ZNF692: variants seen among roughly 807,000 people sequenced by gnomAD.
ZNF692 encodes zinc finger protein 692.
A neutral mutation model predicts 49.0 loss-of-function variants in ZNF692; 41 were observed. The observed-to-expected ratio is 0.84, with a 90% CI of 0.65 to 1.08. ZNF692 has a LOEUF of 1.08. Ranked by LOEUF, ZNF692 falls within the 50% of genes least tolerant of loss-of-function variation. The pLI, the probability that ZNF692 is intolerant of heterozygous loss-of-function variation, is 0.00. For missense variants in ZNF692, 662 were observed against 662.2 expected (o/e 1.00, Z 0.00); for synonymous variants, 288 against 251.5 (o/e 1.15, Z -1.37).
chr1:248,856,655 T>A lies in ZNF692; in HGVS notation c.476-93A>T. On this transcript the variant is annotated intron_variant, in intron 4 of 11. Transcript: ENST00000306601. ...AAGGTCTGAAGTGATGGGAGACTCCTCTTTTTTTTTTAAATAGAGACGGGG... is the reference window on the plus strand; with the variant it reads ...AAGGTCTGAAGTGATGGGAGACTCCACTTTTTTTTTTAAATAGAGACGGGG... 2.1e-6 allele frequency: 3 copies of A among 1,460,304 alleles called. No homozygotes were observed. The South Asian group carries it at 3.6e-5, about 18-fold the overall frequency. 90.5% of individuals were successfully genotyped at this position (1,460,304 alleles called of 1,614,324 possible).
At chr1:248,854,698 C>A (rs1660026791) in intron 9 of ZNF692, among the ~76,000 whole-genome samples, 1 of 152,156 alleles carries the variant, frequency 6.6e-6, no homozygotes, top group African/African-American at 2.4e-5. Flanking sequence ...CTGTCCCCTT[C>A]TTTAGAATCC....
chr1:248,852,113 C>CT (rs531075956), intron 10 of ZNF692, among the ~76,000 whole-genome samples: 35 of 152,228 alleles, frequency 2.3e-4, no homozygotes, highest in Non-Finnish European at 4.3e-4. Context: ...CTTGGCCACT[C>CT]TTTTCATCTA....
In ZNF692 at chr1:248,850,683, G is replaced by A; in HGVS notation, c.1252C>T (p.Gln418Ter). ...RRIHTGEKPL[Q>*]CEICGFTCRQ... Reference sequence around the variant, plus strand: ...CTCAGACCCCACCCCAGCACTCACTGCAGGGGTTTTTCTCCAGTGTGGATA... The same window carrying A: ...CTCAGACCCCACCCCAGCACTCACTACAGGGGTTTTTCTCCAGTGTGGATA... Residue 418 changes from glutamine to a stop codon, truncating the protein, a stop_gained and splice_region_variant, in exon 11 of 12, where the codon CAG becomes TAG. Coordinates refer to ENST00000306601, the MANE Select transcript of ZNF692 (RefSeq NM_017865.4). LOFTEE classifies it low-confidence loss of function (END_TRUNC). The A allele has an allele frequency of 1.2e-6, 2 of 1,613,964 alleles. No homozygotes were observed. The highest frequency in any genetic ancestry group is 1.7e-6 in the Non-Finnish European group (2 of 1,179,930).
intron 10 of ZNF692, among the ~76,000 whole-genome samples, chr1:248,852,417 C>G (rs1659707062): frequency 6.6e-6 from 1 of 152,160 alleles, no homozygotes; most frequent in Non-Finnish European, 1.5e-5. Context: ...CTGTGCCCCT[C>G]AAGACCAACC....
At chr1:248,855,700 C>T (rs767854754) in intron 7 of ZNF692, 25 bp downstream of exon 7, 1 of 1,614,206 alleles carries the variant, frequency 6.2e-7, no homozygotes, top group Non-Finnish European at 8.5e-7. Context: ...CGCCCCTGCC[C>T]TTTCTGTCTC....
chr1:248,856,193 T>A, intron 6 of ZNF692, 95 bp downstream of exon 6: 13 of 1,395,174 alleles, frequency 9.3e-6, no homozygotes, highest in East Asian at 2.4e-5. Flanking sequence ...CCCTCCACAC[T>A]AACAAGCCCT....
Position 248,858,492 on chromosome 1 carries a change from G to GCTA in ZNF692, c.-12-172_-12-171insTAG. 1 of 1,551,760 alleles carries GCTA rather than the reference G, an allele frequency of 6.4e-7. No homozygotes were observed. The highest frequency in any genetic ancestry group is 8.7e-7 in the Non-Finnish European group (1 of 1,147,002). On this transcript the variant is annotated intron_variant, in intron 1 of 11. Coordinates refer to ENST00000306601, the MANE Select transcript of ZNF692 (RefSeq NM_017865.4). This position sits in a 1 kb window ranked among gnomAD's most constrained non-coding sequence, Gnocchi z 4.3. ...AAACCCCGTCCTTCTATGATACAGG[G>GCTA]TGTTGAAGCTCAGCGCTACCATGTG... is the stretch of plus-strand genomic sequence containing the variant.
Position 248,858,190 on chromosome 1 carries a change from G to T in ZNF692, c.120C>A (p.Leu40=). Residue 40 remains leucine (L), a synonymous_variant, in exon 2 of 12, where the codon CTC becomes CTA. Coordinates refer to ENST00000306601, the MANE Select transcript of ZNF692 (RefSeq NM_017865.4). This position sits in a 1 kb window ranked among gnomAD's most constrained non-coding sequence, Gnocchi z 4.3. The part of the protein sequence containing the change: ...RLGGHMEQWC[L]LKERLGFSLH... ...GGGAGAAGCCCAGCCGCTCCTTGAG[G>T]AGGCACCACTGCTCCATGTGGCCGC... is the stretch of plus-strand genomic sequence containing the variant. 6.3e-7 allele frequency: 1 copy of T among 1,584,252 alleles called. No individual in the cohort carries two copies. The highest frequency in any genetic ancestry group is 8.6e-7 in the Non-Finnish European group (1 of 1,165,732).
At chr1:248,851,876 A>G (rs12081467) in intron 10 of ZNF692, among the ~76,000 whole-genome samples, 1,698 of 152,308 alleles carry the variant, frequency 0.011, 42 homozygotes, top group African/African-American at 0.039. Flanking sequence ...TGATAATCCC[A>G]TGATTCCAGG....
intron 9 of ZNF692, 93 bp from the exon 10 acceptor site, chr1:248,854,144 C>A: frequency 1.1e-6 from 1 of 888,394 alleles, no homozygotes; most frequent in Admixed American, 2.0e-5. Context: ...CAGGCATGCT[C>A]CTCTGTCCCC....
chr1:248,853,082 TC>T, intron 10 of ZNF692, among the ~76,000 whole-genome samples: 1 of 152,274 alleles, frequency 6.6e-6, no homozygotes, highest in African/African-American at 2.4e-5. Flanking sequence ...GAGGCTGGAA[TC>T]CTCCAAGTTA....
At chr1:248,853,006 T>C (rs1659778536) in intron 10 of ZNF692, among the ~76,000 whole-genome samples, 1 of 152,224 alleles carries the variant, frequency 6.6e-6, no homozygotes. Flanking sequence ...TCAAATCAAA[T>C]TTCCCTTCCC....
In ZNF692 at chr1:248,850,801, A is replaced by G. The variant is rs1426973863; in HGVS notation, c.1154-20T>C. 2 of 1,611,298 alleles carry G rather than the reference A, an allele frequency of 1.2e-6. No homozygotes were observed. The highest frequency in any genetic ancestry group is 1.1e-5 in the South Asian group (1 of 90,838). ...GGGTGTCTGCAGGCATATGAGGGAC[A>G]CTCCAGCATCTGCCCCCACCCTGTG... On this transcript the variant is annotated intron_variant, in intron 10 of 11. Coordinates refer to ENST00000306601, the MANE Select transcript of ZNF692 (RefSeq NM_017865.4).
chr1:248,850,405 C>T lies in ZNF692; in HGVS notation c.1365G>A (p.Lys455=), dbSNP rs1251948756. Residue 455 remains lysine, a synonymous_variant, in exon 12 of 12, where the codon AAG becomes AAA. Coordinates refer to ENST00000306601, the MANE Select transcript of ZNF692 (RefSeq NM_017865.4). ...CAACACTGTCTGGCTTCTCAAAGCG[C>T]TTGCCGCAGAATTCACAGGGGAAGC... is the stretch of plus-strand genomic sequence containing the variant. The part of the protein sequence containing the change: ...ALRFPCEFCG[K]RFEKPDSVAA... The T allele has an allele frequency of 6.2e-7, 1 of 1,614,172 alleles. No homozygotes were observed. The highest frequency in any genetic ancestry group is 8.5e-7 in the Non-Finnish European group (1 of 1,180,024).
At chr1:248,854,199 T>C in intron 9 of ZNF692, 148 bp from the exon 10 acceptor site, 1 of 630,980 alleles carries the variant, frequency 1.6e-6, no homozygotes, top group Non-Finnish European at 2.9e-6. Flanking sequence ...CATGGCCTGC[T>C]CGTTTCCTTG....
In ZNF692 at chr1:248,850,037, AG is replaced by A. The variant is rs1659361306; in HGVS notation, c.*172del. ...TAAAATACTGTTTATTTTGTCCTTT[AG>A]GAAGACTAAAGTAGTCCAGCTCCCC... On this transcript the variant is annotated 3_prime_UTR_variant, in exon 12 of 12. Coordinates refer to ENST00000306601, the MANE Select transcript of ZNF692 (RefSeq NM_017865.4). The A allele has an allele frequency of 1.6e-6, 1 of 610,612 alleles. No homozygotes were observed. Among genetic ancestry groups the A allele is most frequent in the African/African-American group, 1.8e-5 (1 of 54,158 alleles). The allele number at this position is 610,612 out of a possible 1,614,324, so 37.8% of individuals were successfully genotyped here. A position where few individuals can be genotyped will look rare whatever the true frequency, so the allele number is the denominator to read the frequency against.
intron 3 of ZNF692, 29 bp from the exon 4 acceptor site, chr1:248,857,526 G>C (rs771473559): frequency 6.3e-7 from 1 of 1,594,512 alleles, no homozygotes; most frequent in African/African-American, 1.3e-5. Context: ...CAGTCAGGCT[G>C]AACTGGGAAG....
At chr1:248,850,910 G>T (rs777092587) in intron 10 of ZNF692, 129 bp from the exon 11 acceptor site, 1 of 832,154 alleles carries the variant, frequency 1.2e-6, no homozygotes. Context: ...CTAATTAGTT[G>T]TTATCCAAAT....
In ZNF692 at chr1:248,856,376, C is replaced by G. The variant is rs766499769; in HGVS notation, c.571G>C (p.Glu191Gln). Reference protein sequence around the residue: ...PETFPPPGEEEGEEEEDNDED... With the variant: ...PETFPPPGEEQGEEEEDNDED... The stretch of plus-strand genomic sequence containing the variant: ...TCATTGTCCTCTTCTTCCTCACCCT[C>G]TTCCTCTCCTGGAGGTGGGAAGGTC... Residue 191 changes from glutamate (E) to glutamine (Q), a missense_variant, in exon 6 of 12, where the codon GAG becomes CAG. Physicochemically the swap from Glu to Gln is conservative, Grantham distance 29. Transcript: ENST00000306601. 4.0e-5 allele frequency: 64 copies of G among 1,612,802 alleles called. No individual in the cohort carries two copies. Among genetic ancestry groups the G allele is most frequent in the Non-Finnish European group, 5.3e-5 (63 of 1,179,308 alleles).
Sources: gnomAD v4.1 joint callset for allele counts (sites outside exome capture counted in the v4.1 genomes callset) on GRCh38, gnomAD v4.1.1 for gene constraint, Gnocchi (gnomAD v3.1) non-coding constraint, MANE v1.5 for transcripts, NCBI Gene and HGNC (gene_info 2026-07-23, HGNC 2026-07-21) for gene names.